The following GALNS variants were observed in gnomAD, a reference collection of about 807,000 sequenced individuals.
GALNS encodes N-acetylgalactosamine-6-sulfatase.
Under a neutral mutation model 65.9 loss-of-function variants are expected in GALNS, and 65 were observed. That is an observed-to-expected ratio of 0.99 (90% CI 0.81 to 1.21). The LOEUF (loss-of-function observed/expected upper bound fraction) is 1.21, where lower values mean the gene tolerates loss of function less well. Among genes scored for constraint, GALNS ranks in the 50% most tolerant of loss-of-function variants. GALNS has a pLI of 0.00. For missense variants in GALNS, 776 were observed against 700.7 expected, an observed-to-expected ratio of 1.11 and a Z score of -1.21; for synonymous variants, 346 against 288.9, an observed-to-expected ratio of 1.20 and a Z score of -2.00.
intron 9 of GALNS, 101 bp downstream of exon 9, chr16:88,831,897 C>T (rs1265290748): frequency 1.9e-5 from 18 of 971,618 alleles, no homozygotes; most frequent in Non-Finnish European, 6.4e-6. Context: ...TGAGGATGAG[C>T]ACGGGGTGCA....
chr16:88,830,913 C>A (rs1055629680), intron 9 of GALNS, among the ~76,000 whole-genome samples: 2 of 152,216 alleles, frequency 1.3e-5, no homozygotes, highest in Non-Finnish European at 2.9e-5. Flanking sequence ...AGTAGACAGA[C>A]AGGTTTTTAA....
At chr16:88,835,937 G>C in intron 6 of GALNS, 88 bp from the exon 7 acceptor site, 1 of 1,600,186 alleles carries the variant, frequency 6.2e-7, no homozygotes, top group Non-Finnish European at 8.5e-7. Flanking sequence ...GTCCCACGGG[G>C]CGAGGTTGGT....
chr16:88,824,081 A>G (rs1476321479), intron 11 of GALNS, among the ~76,000 whole-genome samples: 2 of 151,962 alleles, frequency 1.3e-5, no homozygotes, highest in Admixed American at 6.5e-5. Context: ...TCTCCATTAC[A>G]CTAAATGATT....
intron 8 of GALNS, among the ~76,000 whole-genome samples, chr16:88,833,837 G>C (rs1031038108): frequency 1.3e-5 from 2 of 152,204 alleles, no homozygotes; most frequent in Non-Finnish European, 2.9e-5. Context: ...GTTACAAATA[G>C]GTACATATAC....
intron 8 of GALNS, 39 bp downstream of exon 8, chr16:88,835,174 G>A: frequency 6.4e-7 from 1 of 1,555,508 alleles, no homozygotes; most frequent in Non-Finnish European, 8.7e-7. Context: ...TGACACGCTG[G>A]CTGTGGGGAA....
chr16:88,827,957 G>C (rs1335063452), intron 9 of GALNS, among the ~76,000 whole-genome samples: 1 of 152,228 alleles, frequency 6.6e-6, no homozygotes, highest in African/African-American at 2.4e-5. Context: ...TCCTCGCTAG[G>C]GCAGACGGCG....
Position 88,837,768 on chromosome 16 carries a change from G to C in GALNS, c.423-3C>G. On this transcript the variant is annotated splice_region_variant and splice_polypyrimidine_tract_variant and intron_variant, in intron 4 of 13. Transcript: ENST00000268695. ...ACTGGGGCCTGTGACCCAGATGCCT[G>C]GAAACAGGAACCCAGGACACTTCAG... 6.2e-7 allele frequency: 1 copy of C among 1,613,900 alleles called. No homozygotes were observed.
intron 8 of GALNS, among the ~76,000 whole-genome samples, chr16:88,834,565 G>GCT (rs1911892240): frequency 7.6e-6 from 1 of 130,946 alleles, no homozygotes. Flanking sequence ...AGGCTGCAGG[G>GCT]CCCCCCTCAG....
intron 1 of GALNS, among the ~76,000 whole-genome samples, chr16:88,847,387 A>G (rs547082325): frequency 1.3e-5 from 2 of 152,268 alleles, no homozygotes; most frequent in Admixed American, 1.3e-4. Context: ...AATAAAAAAC[A>G]AAAACCTGCC....
intron 4 of GALNS, among the ~76,000 whole-genome samples, chr16:88,838,211 T>C (rs973397664): frequency 4.6e-5 from 7 of 152,160 alleles, no homozygotes; most frequent in Admixed American, 2.6e-4. Flanking sequence ...TGCCAGGTAA[T>C]TACTGGGTCT....
chr16:88,819,509 G>A lies in GALNS; in HGVS notation c.1365-1385C>T, dbSNP rs576686271. Among the ~76,000 whole-genome samples the A allele has an allele frequency of 1.0e-3, 153 of 150,870 alleles. 1 individual carries two copies. The highest frequency in any genetic ancestry group is 3.5e-3 in the African/African-American group (144 of 40,880). On this transcript the variant is annotated intron_variant, in intron 12 of 13. Transcript: ENST00000268695. ...CTGACGGTGAGCGTCCCCGAAGGCC[G>A]TGGCCTGGCTTGTTGCTTTAATCTT...
In GALNS at chr16:88,840,990, ACCACTTGCCGACAATCTTG is replaced by A. The variant is rs398123437; in HGVS notation, c.405_422+1del. ...CTGGGCAGGCGTGGCCAGGAGACTT[ACCACTTGCCGACAATCTTG>A]CTGACGTAGCCGGCCTTCTTCAGAA... On this transcript the variant is annotated splice_donor_variant and coding_sequence_variant, in exon 4 of 14. Transcript: ENST00000268695. LOFTEE classifies it high-confidence loss of function. 2.5e-6 allele frequency: 4 copies of A among 1,611,714 alleles called. No homozygotes were observed. Among genetic ancestry groups the A allele is most frequent in the Non-Finnish European group, 3.4e-6 (4 of 1,178,680 alleles).
At chr16:88,825,050 G>GTGT (rs1910669527) in intron 10 of GALNS, among the ~76,000 whole-genome samples, 181 bp from the exon 11 acceptor site, 47 of 149,186 alleles carry the variant, frequency 3.2e-4, no homozygotes, top group Admixed American at 2.2e-3. Flanking sequence ...GGGTGCCTGG[G>GTGT]CGGCCGGGGC....
At chr16:88,854,363 T>G (rs9923136) in intron 1 of GALNS, among the ~76,000 whole-genome samples, 4,359 of 152,286 alleles carry the variant, frequency 0.029, 193 homozygotes, top group African/African-American at 0.099. Context: ...CCTTGCACCC[T>G]GGGCCACGTC....
At position 88,856,892 on chromosome 16, in the gene GALNS, C is replaced by T. The variant is rs746326034; in HGVS notation, c.-15G>A. 5 of 1,502,412 alleles carry T rather than the reference C, an allele frequency of 3.3e-6. No individual in the cohort carries two copies. Among genetic ancestry groups the T allele is most frequent in the Non-Finnish European group, 4.4e-6 (5 of 1,134,174 alleles). 93.1% of individuals were successfully genotyped at this position (1,502,412 alleles called of 1,614,324 possible). ...ACCGCCGCCATGGCAACCACGGGAGCCGCGGAGCCCCGGCCAGCGAGCCGA... is the reference window on the plus strand; with the variant it reads ...ACCGCCGCCATGGCAACCACGGGAGTCGCGGAGCCCCGGCCAGCGAGCCGA... On this transcript the variant is annotated 5_prime_UTR_variant, in exon 1 of 14. Transcript: ENST00000268695.
At chr16:88,817,310 G>C in intron 13 of GALNS, 1 of 985,462 alleles carries the variant, frequency 1.0e-6, no homozygotes. Flanking sequence ...AGGCACGTCT[G>C]TGCTTGTGTT....
intron 1 of GALNS, among the ~76,000 whole-genome samples, chr16:88,853,557 T>C (rs1174918065): frequency 6.6e-6 from 1 of 152,174 alleles, no homozygotes; most frequent in Non-Finnish European, 1.5e-5. Context: ...GGGCTGACCC[T>C]CCTTAACCCT....
intron 1 of GALNS, among the ~76,000 whole-genome samples, chr16:88,851,266 C>A (rs1967494839): frequency 6.6e-6 from 1 of 152,154 alleles, no homozygotes; most frequent in African/African-American, 2.4e-5. Context: ...GTTATCCCAA[C>A]ACTTTGGGAG....
intron 4 of GALNS, 156 bp from the exon 5 acceptor site, chr16:88,837,921 C>T (rs1912314826): frequency 2.7e-6 from 2 of 728,640 alleles, no homozygotes; most frequent in Admixed American, 4.5e-5. Context: ...GGACAAAAGA[C>T]CAAGGCCTCA....
Sources: gnomAD v4.1 joint callset for allele counts (sites outside exome capture counted in the v4.1 genomes callset) on GRCh38, gnomAD v4.1.1 for gene constraint, MANE v1.5 for transcripts, NCBI Gene and HGNC (gene_info 2026-07-23, HGNC 2026-07-21) for gene names.